VPS54: variants seen among roughly 807,000 people sequenced by gnomAD.
VPS54 encodes vacuolar protein sorting-associated protein 54.
A neutral mutation model predicts 121.5 loss-of-function variants in VPS54; 45 were observed. That is an observed-to-expected ratio of 0.37 (90% CI 0.29 to 0.47). The LOEUF (loss-of-function observed/expected upper bound fraction) is 0.47. Ranked by LOEUF, VPS54 falls within the 20% of genes least tolerant of loss-of-function variation. VPS54 has a pLI of 0.99. For missense variants in VPS54, 1,090 were observed against 1,131.4 expected, an observed-to-expected ratio of 0.96 and a Z score of 0.52; for synonymous variants, 371 against 385.8, an observed-to-expected ratio of 0.96 and a Z score of 0.45.
intron 16 of VPS54, among the ~76,000 whole-genome samples, chr2:63,915,890 C>T (rs986392112): frequency 6.6e-6 from 1 of 152,120 alleles, no homozygotes; most frequent in African/African-American, 2.4e-5. Flanking sequence ...TCATCTCTAC[C>T]TTTGAGGAAT....
At chr2:63,948,891 A>T (rs1480784397) in intron 8 of VPS54, 146 bp downstream of exon 8, 2 of 844,752 alleles carry the variant, frequency 2.4e-6, no homozygotes, top group Non-Finnish European at 3.5e-6. Context: ...TGCTTGCTCA[A>T]GTCACATAGC....
At chr2:63,986,540 G>A (rs371580999) in intron 1 of VPS54, among the ~76,000 whole-genome samples, 1 of 152,146 alleles carries the variant, frequency 6.6e-6, no homozygotes. Flanking sequence ...TCCAAATCGA[G>A]GCTATTGTGA....
chr2:63,980,358 T>C (rs1420717897), intron 3 of VPS54, among the ~76,000 whole-genome samples: 1 of 152,208 alleles, frequency 6.6e-6, no homozygotes, highest in Admixed American at 6.5e-5. Context: ...GTTTCTTATA[T>C]ACAGCATATA....
intron 12 of VPS54, among the ~76,000 whole-genome samples, chr2:63,928,355 G>T (rs1306460252): frequency 2.0e-5 from 3 of 152,150 alleles, no homozygotes; most frequent in Non-Finnish European, 4.4e-5. Flanking sequence ...TGGGGGCCAA[G>T]ATTCAACATT....
intron 6 of VPS54, among the ~76,000 whole-genome samples, chr2:63,963,102 C>T (rs1675842091): frequency 6.6e-6 from 1 of 151,974 alleles, no homozygotes. Context: ...ATGGTTCAGT[C>T]ACAAATTATA....
intron 21 of VPS54, among the ~76,000 whole-genome samples, chr2:63,897,880 A>G (rs1031375519): frequency 6.6e-6 from 1 of 152,202 alleles, no homozygotes; most frequent in African/African-American, 2.4e-5. Flanking sequence ...ATTTTGTAAC[A>G]TAGTAAGTAG....
chr2:64,003,238 A>G (rs1339919972), intron 1 of VPS54, among the ~76,000 whole-genome samples: 1 of 152,230 alleles, frequency 6.6e-6, no homozygotes, highest in African/African-American at 2.4e-5. Flanking sequence ...CACTAAACAC[A>G]GGGAACTACT....
chr2:64,006,328 T>C (rs575659458), intron 1 of VPS54, among the ~76,000 whole-genome samples: 161 of 152,354 alleles, frequency 1.1e-3, no homozygotes, highest in Middle Eastern at 0.01. Context: ...TATTTCCTTG[T>C]TTGTATTAAC....
At chr2:64,016,260 T>C (rs1332004359) in intron 1 of VPS54, among the ~76,000 whole-genome samples, 3 of 152,232 alleles carry the variant, frequency 2.0e-5, no homozygotes, top group Non-Finnish European at 4.4e-5. Context: ...TCCAACTTTA[T>C]GCTGAATACA....
At chr2:63,922,394 C>G (rs2104454883) in intron 12 of VPS54, among the ~76,000 whole-genome samples, 1 of 152,272 alleles carries the variant, frequency 6.6e-6, no homozygotes, top group South Asian at 2.1e-4. Flanking sequence ...TACTTTGAGG[C>G]AAACTACCAT....
Position 63,971,208 on chromosome 2 carries a change from T to C in VPS54, c.457+958A>G, listed in dbSNP as rs150886071. On this transcript the variant is annotated intron_variant, in intron 4 of 22. Coordinates refer to ENST00000272322, the MANE Select transcript of VPS54 (RefSeq NM_016516.3). ...GGCCTAATTCCCTCTCCATCTCCAC[T>C]GTAACTGTTACTGGAATATCATTTC... is the stretch of plus-strand genomic sequence containing the variant. Among the ~76,000 whole-genome samples the C allele has an allele frequency of 3.7e-3, 570 of 152,314 alleles. 2 individuals are homozygous for C. Among genetic ancestry groups the C allele is most frequent in the African/African-American group, 0.013 (539 of 41,566 alleles).
rs202008811 is a variant in VPS54, at chr2:63,933,993, G to C, written c.1419C>G (p.His473Gln). The C allele has an allele frequency of 6.2e-7, 1 of 1,612,536 alleles. No homozygotes were observed. Among genetic ancestry groups the C allele is most frequent in the African/African-American group, 1.3e-5 (1 of 74,928 alleles). The change falls in exon 12 of 23, where the codon CAC becomes CAG. Residue 473 changes from histidine (H) to glutamine (Q), a missense_variant. His to Gln is a conservative substitution (Grantham distance 24). Coordinates refer to ENST00000272322, the MANE Select transcript of VPS54 (RefSeq NM_016516.3). Reference sequence around the variant, plus strand: ...TGTCAAGAACTGAGAGAACAACACTGTGAATGATATTTAATGTTGCCTACA... The same window carrying C: ...TGTCAAGAACTGAGAGAACAACACTCTGAATGATATTTAATGTTGCCTACA... ...QRVKATLNII[H>Q]SVVLSVLDKN...
intron 8 of VPS54, among the ~76,000 whole-genome samples, chr2:63,948,817 A>G (rs570889297): frequency 2.6e-5 from 4 of 152,240 alleles, no homozygotes; most frequent in African/African-American, 7.2e-5. Context: ...TTTTAACTCT[A>G]ATTTCTAATT....
intron 1 of VPS54, among the ~76,000 whole-genome samples, chr2:64,006,523 T>A (rs1252562805): frequency 6.6e-6 from 1 of 152,224 alleles, no homozygotes; most frequent in African/African-American, 2.4e-5. Context: ...ATCTTCCTCA[T>A]AGGAATGTCA....
intron 7 of VPS54, among the ~76,000 whole-genome samples, chr2:63,954,070 C>T (rs1675382572): frequency 6.6e-6 from 1 of 152,182 alleles, no homozygotes; most frequent in Non-Finnish European, 1.5e-5. Flanking sequence ...AATGGCCAAT[C>T]CAGTAGCAAG....
intron 11 of VPS54, among the ~76,000 whole-genome samples, chr2:63,937,331 T>TA (rs1443725393): frequency 2.0e-5 from 3 of 151,942 alleles, no homozygotes; most frequent in Admixed American, 2.0e-4. Context: ...CATTAAATAA[T>TA]AGGCAAATAA....
At chr2:63,931,611 T>G (rs185853057) in intron 12 of VPS54, among the ~76,000 whole-genome samples, 2 of 152,156 alleles carry the variant, frequency 1.3e-5, no homozygotes, top group African/African-American at 2.4e-5. Context: ...ACTTCATGTC[T>G]AAAACACCAA....
intron 7 of VPS54, among the ~76,000 whole-genome samples, chr2:63,956,092 T>C (rs1575954771): frequency 6.6e-6 from 1 of 152,286 alleles, no homozygotes; most frequent in Middle Eastern, 3.4e-3. Context: ...CAGTGACCTC[T>C]GTGCTGTTCT....
chr2:63,916,754 G>A (rs1248479489), intron 16 of VPS54, 146 bp downstream of exon 16: 2 of 713,494 alleles, frequency 2.8e-6, no homozygotes, highest in African/African-American at 1.8e-5. Flanking sequence ...TTTCCTTTAA[G>A]TTCTTTGCAG....
Sources: gnomAD v4.1 joint callset for allele counts (sites outside exome capture counted in the v4.1 genomes callset) on GRCh38, gnomAD v4.1.1 for gene constraint, MANE v1.5 for transcripts, NCBI Gene and HGNC (gene_info 2026-07-23, HGNC 2026-07-21) for gene names.